Variants in MID2 observed in about 807,000 individuals in gnomAD.
MID2 encodes the protein probable E3 ubiquitin-protein ligase MID2.
In MID2, 13 loss-of-function variants were observed where a neutral mutation model predicts 46.1. The ratio of observed to expected loss-of-function variants is 0.28; its 90% confidence interval spans 0.18 to 0.45. The LOEUF is 0.45. Among genes scored for constraint, MID2 ranks in the 20% least tolerant of loss-of-function variants. The pLI is 1.00. For missense variants in MID2, 431 were observed against 575.4 expected (o/e 0.75, Z 2.57); for synonymous variants, 199 against 212.3 (o/e 0.94, Z 0.55).
At chrX:107,854,116 G>A (rs746009358) in intron 2 of MID2, among the ~76,000 whole-genome samples, 2 of 111,857 alleles carry the variant, frequency 1.8e-5, no homozygotes, top group Non-Finnish European at 3.8e-5. Flanking sequence ...CTTGACTTAT[G>A]TTAGGGTTAC....
chrX:107,842,807 A>T (rs754001405), intron 2 of MID2, among the ~76,000 whole-genome samples: 1 of 112,198 alleles, frequency 8.9e-6, no homozygotes, highest in Non-Finnish European at 1.9e-5. Context: ...ATAAGATATT[A>T]GGCCTTTGAC....
chrX:107,883,300 T>C (rs1932370087), intron 3 of MID2, among the ~76,000 whole-genome samples: 1 of 111,040 alleles, frequency 9.0e-6, no homozygotes, highest in Non-Finnish European at 1.9e-5. Flanking sequence ...TGTATACCTA[T>C]GTAACAAAAC....
intron 3 of MID2, among the ~76,000 whole-genome samples, chrX:107,889,127 G>T (rs1932534292): frequency 9.0e-6 from 1 of 111,012 alleles, no homozygotes; most frequent in Non-Finnish European, 1.9e-5. Context: ...TACATTTAAG[G>T]TTAATATTGT....
chrX:107,871,129 C>T (rs1369647900), intron 3 of MID2, among the ~76,000 whole-genome samples: 1 of 111,216 alleles, frequency 9.0e-6, no homozygotes, highest in East Asian at 2.8e-4. Flanking sequence ...AGTGTGTGCT[C>T]TTTCATTATT....
At chrX:107,851,449 A>G (rs1484675374) in intron 2 of MID2, among the ~76,000 whole-genome samples, 1 of 111,396 alleles carries the variant, frequency 9.0e-6, no homozygotes, top group Non-Finnish European at 1.9e-5. Context: ...ATTTCTTTCA[A>G]TTATCCTCAG....
chrX:107,842,463 A>T (rs1355253728), intron 2 of MID2, among the ~76,000 whole-genome samples: 1 of 112,279 alleles, frequency 8.9e-6, no homozygotes, highest in Non-Finnish European at 1.9e-5. Flanking sequence ...GCCAAGCTAG[A>T]AGAAAGACCC....
chrX:107,884,732 TG>T (rs763003335), intron 3 of MID2, among the ~76,000 whole-genome samples: 10 of 112,499 alleles, frequency 8.9e-5, no homozygotes, highest in African/African-American at 2.9e-4. Context: ...GAATGGAACA[TG>T]GCAGAAGTCT....
At chrX:107,843,088 A>G (rs1267090598) in intron 2 of MID2, among the ~76,000 whole-genome samples, 1 of 112,307 alleles carries the variant, frequency 8.9e-6, no homozygotes, top group East Asian at 2.8e-4. Flanking sequence ...ACATCAAGGA[A>G]GGGACAGATT....
intron 3 of MID2, among the ~76,000 whole-genome samples, chrX:107,858,453 C>T (rs1241481189): frequency 8.9e-6 from 1 of 112,220 alleles, no homozygotes; most frequent in Non-Finnish European, 1.9e-5. Flanking sequence ...GCTTCCAATA[C>T]TCCATGGTTC....
Position 107,917,516 on chromosome X carries a change from A to G in MID2, c.1212A>G (p.Pro404=). ...CACCTTTCCTTACAGCCCCAAACCCACCATCTATCCGAGAAGAACTCTGTA... is the reference window on the plus strand; with the variant it reads ...CACCTTTCCTTACAGCCCCAAACCCGCCATCTATCCGAGAAGAACTCTGTA... The part of the protein sequence containing the change: ...EGLDYLTAPN[P]PSIREELCTA... Residue 404 remains proline (P), a synonymous_variant, in exon 7 of 10, where the codon CCA becomes CCG. Coordinates refer to ENST00000262843, the MANE Select transcript of MID2 (RefSeq NM_012216.4). 8.3e-7 allele frequency: 1 copy of G among 1,207,815 alleles called. No homozygotes were observed. The highest frequency in any genetic ancestry group is 1.1e-6 in the Non-Finnish European group (1 of 892,282).
intron 2 of MID2, among the ~76,000 whole-genome samples, chrX:107,852,161 G>A (rs1931642734): frequency 9.0e-6 from 1 of 111,639 alleles, no homozygotes; most frequent in Non-Finnish European, 1.9e-5. Flanking sequence ...CAAAGTGCTG[G>A]GATTACAGGT....
chrX:107,909,733 A>C (rs377317147), intron 5 of MID2, among the ~76,000 whole-genome samples: 2 of 112,574 alleles, frequency 1.8e-5, no homozygotes, highest in African/African-American at 6.4e-5. Flanking sequence ...TTCACACTTG[A>C]TAGGTTGGAA....
At chrX:107,924,780 A>G (rs1029342177) in intron 8 of MID2, among the ~76,000 whole-genome samples, 4 of 112,207 alleles carry the variant, frequency 3.6e-5, no homozygotes, top group Admixed American at 9.4e-5. Context: ...ACAATTGCAT[A>G]AAAGAGCATT....
At chrX:107,854,518 C>T (rs1056361425) in intron 2 of MID2, 91 bp from the exon 3 acceptor site, 6 of 632,367 alleles carry the variant, frequency 9.5e-6, no homozygotes, top group East Asian at 3.3e-5. Flanking sequence ...ACTGACTAAC[C>T]GATTTTCACA....
intron 3 of MID2, among the ~76,000 whole-genome samples, chrX:107,876,167 C>A (rs769909432): frequency 1.0e-3 from 115 of 110,710 alleles, no homozygotes; most frequent in African/African-American, 3.7e-3. Flanking sequence ...GGTTTGTGGG[C>A]TTTCATGGTG....
Position 107,930,275 on chromosome X carries a change from C to T in MID2, c.*3202C>T, listed in dbSNP as rs369100316. On this transcript the variant is annotated 3_prime_UTR_variant, in exon 10 of 10. Transcript: ENST00000262843. ...TGGGCAGAAAAGCTTGGTTACTACT[C>T]CATTTGAGCTGTATTAATTCTATTT... 5.4e-4 allele frequency among the ~76,000 whole-genome samples: 60 copies of T among 111,815 alleles called. No homozygotes were observed. Among genetic ancestry groups the T allele is most frequent in the African/African-American group, 1.5e-3 (46 of 30,872 alleles).
At chrX:107,843,298 G>A (rs1931389027) in intron 2 of MID2, among the ~76,000 whole-genome samples, 1 of 112,073 alleles carries the variant, frequency 8.9e-6, no homozygotes, top group Non-Finnish European at 1.9e-5. Flanking sequence ...ACTGGCTAGT[G>A]TAAGCTTGTA....
chrX:107,916,570 C>A (rs928973841), intron 6 of MID2, among the ~76,000 whole-genome samples: 1 of 111,816 alleles, frequency 8.9e-6, no homozygotes, highest in Non-Finnish European at 1.9e-5. Flanking sequence ...GGCTCTCAGA[C>A]AATTTTAGAA....
At chrX:107,861,498 T>C (rs1177377118) in intron 3 of MID2, among the ~76,000 whole-genome samples, 1 of 110,695 alleles carries the variant, frequency 9.0e-6, no homozygotes, top group Non-Finnish European at 1.9e-5. Flanking sequence ...TAGACACATG[T>C]AATCCCAGCT....
Sources: allele counts gnomAD v4.1 joint callset (sites outside exome capture counted in the v4.1 genomes callset), GRCh38; gene constraint gnomAD v4.1.1; transcripts MANE v1.5; gene names NCBI Gene and HGNC (gene_info 2026-07-23, HGNC 2026-07-21).